RHBDD1: variants seen among roughly 807,000 people sequenced by gnomAD.
The protein encoded by RHBDD1 is rhomboid domain containing 1.
A neutral mutation model predicts 36.3 loss-of-function variants in RHBDD1; 38 were observed. The observed-to-expected ratio is 1.05, with a 90% CI of 0.81 to 1.37. The LOEUF (loss-of-function observed/expected upper bound fraction) is 1.37. RHBDD1 is among the 40% of genes most tolerant of loss of function. The probability of loss-of-function intolerance (pLI) is 0.00; values close to 1 mark genes in which losing one functional copy is unlikely to be tolerated. For missense variants in RHBDD1, 393 were observed against 377.6 expected (o/e 1.04, Z -0.34); for synonymous variants, 151 against 136.5 (o/e 1.11, Z -0.74).
intron 3 of RHBDD1, among the ~76,000 whole-genome samples, chr2:226,843,838 C>T (rs1393735948): frequency 2.0e-5 from 3 of 152,148 alleles, no homozygotes; most frequent in Non-Finnish European, 4.4e-5. Context: ...ATAGTTTCAG[C>T]AGGAATGATA....
chr2:226,897,616 T>TGG, intron 5 of RHBDD1, among the ~76,000 whole-genome samples: 1 of 152,236 alleles, frequency 6.6e-6, no homozygotes, highest in East Asian at 1.9e-4. Flanking sequence ...GGAACCAGTT[T>TGG]GTGCAAAGAC....
chr2:226,834,582 T>C (rs1261908822), upstream of RHBDD1, among the ~76,000 whole-genome samples: 2 of 152,240 alleles, frequency 1.3e-5, no homozygotes, highest in Non-Finnish European at 2.9e-5. Flanking sequence ...AATATTTCTA[T>C]GAAGAGTTTT....
At chr2:226,838,567 G>C (rs554717509) in intron 2 of RHBDD1, among the ~76,000 whole-genome samples, 1 of 152,134 alleles carries the variant, frequency 6.6e-6, no homozygotes, top group African/African-American at 2.4e-5. Context: ...CATAAAACAC[G>C]TCCACCTTGT....
At chr2:226,881,289 A>G (rs1945709693) in intron 5 of RHBDD1, among the ~76,000 whole-genome samples, 1 of 152,196 alleles carries the variant, frequency 6.6e-6, no homozygotes, top group Non-Finnish European at 1.5e-5. Flanking sequence ...TGGGGACACA[A>G]AGCCTAACCA....
chr2:226,875,679 G>T (rs900109718), intron 5 of RHBDD1, among the ~76,000 whole-genome samples: 9 of 152,180 alleles, frequency 5.9e-5, no homozygotes, highest in Admixed American at 5.9e-4. Flanking sequence ...TAGGGCAGAT[G>T]ATGAGATAGA....
At chr2:226,990,308 AAG>A (rs760456015) in intron 8 of RHBDD1, among the ~76,000 whole-genome samples, 1 of 152,188 alleles carries the variant, frequency 6.6e-6, no homozygotes, top group African/African-American at 2.4e-5. Context: ...ACATTCTTGA[AAG>A]AGAGAACATG....
At position 226,996,019 on chromosome 2, in the gene RHBDD1, C is replaced by T. The variant is rs73994326; in HGVS notation, c.*497C>T. ...CCTTGGCCGAATGTTGTCCTACTCT[C>T]CCCAACCCCGGCGCCTCAGCTCCTC... On this transcript the variant is annotated 3_prime_UTR_variant, in exon 9 of 9. Transcript: ENST00000392062. 5,275 of 157,088 alleles carry T rather than the reference C, an allele frequency of 0.034. 286 individuals are homozygous for T. Among genetic ancestry groups the T allele is most frequent in the African/African-American group, 0.12 (4,996 of 41,608 alleles). 9.7% of individuals were successfully genotyped at this position (157,088 alleles called of 1,614,324 possible).
intron 5 of RHBDD1, among the ~76,000 whole-genome samples, chr2:226,904,414 C>CA (rs1553562495): frequency 6.4e-5 from 3 of 46,590 alleles, no homozygotes; most frequent in African/African-American, 2.9e-4. Flanking sequence ...ATCCTGCAAG[C>CA]GGGGGGGGAG....
intron 8 of RHBDD1, among the ~76,000 whole-genome samples, chr2:226,919,897 TGTAGTTTG>T (rs1949188309): frequency 6.6e-6 from 1 of 152,104 alleles, no homozygotes; most frequent in African/African-American, 2.4e-5. Context: ...GCATTGAATC[TGTAGTTTG>T]CTTTGGGTAG....
chr2:226,991,810 A>G (rs1419152928), intron 8 of RHBDD1, among the ~76,000 whole-genome samples: 1 of 152,174 alleles, frequency 6.6e-6, no homozygotes, highest in Non-Finnish European at 1.5e-5. Context: ...AGAATCATGG[A>G]AAGGACCCTG....
At chr2:226,885,376 T>C (rs1234614223) in intron 5 of RHBDD1, among the ~76,000 whole-genome samples, 1 of 152,124 alleles carries the variant, frequency 6.6e-6, no homozygotes, top group Admixed American at 6.5e-5. Context: ...GATATCAGCA[T>C]ATGTATTGTA....
intron 3 of RHBDD1, among the ~76,000 whole-genome samples, chr2:226,842,782 C>T (rs1455469411): frequency 2.0e-5 from 3 of 151,882 alleles, no homozygotes; most frequent in African/African-American, 7.2e-5. Flanking sequence ...CTTTTTGATT[C>T]CATAAAATAG....
chr2:226,841,680 C>T (rs1941651130), intron 3 of RHBDD1, among the ~76,000 whole-genome samples: 1 of 152,218 alleles, frequency 6.6e-6, no homozygotes, highest in Non-Finnish European at 1.5e-5. Flanking sequence ...ACCACATCTT[C>T]TTTATCCATC....
At chr2:226,832,610 T>C (rs551887420), upstream of RHBDD1, among the ~76,000 whole-genome samples, 9 of 152,356 alleles carry the variant, frequency 5.9e-5, no homozygotes, top group African/African-American at 2.2e-4. Flanking sequence ...TTCAATTCAA[T>C]CATTTTTGCT....
intron 5 of RHBDD1, among the ~76,000 whole-genome samples, chr2:226,878,142 T>C (rs1214139470): frequency 6.6e-6 from 1 of 152,256 alleles, no homozygotes; most frequent in Admixed American, 6.5e-5. Flanking sequence ...CTGCTTAGCT[T>C]GTATGAAAGG....
At chr2:226,899,966 C>T (rs1425313401) in intron 5 of RHBDD1, among the ~76,000 whole-genome samples, 1 of 152,146 alleles carries the variant, frequency 6.6e-6, no homozygotes, top group African/African-American at 2.4e-5. Flanking sequence ...TGAGTACTAG[C>T]AAGATGTTTT....
At chr2:226,960,815 G>A (rs1414512202) in intron 8 of RHBDD1, among the ~76,000 whole-genome samples, 1 of 152,158 alleles carries the variant, frequency 6.6e-6, no homozygotes, top group Non-Finnish European at 1.5e-5. Flanking sequence ...CACTCATAAG[G>A]GGGTTCATCT....
intron 3 of RHBDD1, among the ~76,000 whole-genome samples, chr2:226,861,577 A>G (rs887622287): frequency 7.2e-5 from 11 of 152,262 alleles, no homozygotes; most frequent in African/African-American, 1.2e-4. Flanking sequence ...GCCCAGCATC[A>G]TAAGACACTG....
chr2:226,830,935 C>T (rs1285891598), upstream of RHBDD1, among the ~76,000 whole-genome samples: 3 of 152,200 alleles, frequency 2.0e-5, no homozygotes, highest in Non-Finnish European at 4.4e-5. Flanking sequence ...TCCCAAAGTG[C>T]TGGGATTACG....
Sources: allele counts gnomAD v4.1 joint callset (sites outside exome capture counted in the v4.1 genomes callset), GRCh38; gene constraint gnomAD v4.1.1; transcripts MANE v1.5; gene names NCBI Gene and HGNC (gene_info 2026-07-23, HGNC 2026-07-21).